Variants in RFC1 observed in about 807,000 individuals in gnomAD.
RFC1 encodes replication factor C subunit 1.
A neutral mutation model predicts 137.4 loss-of-function variants in RFC1; 37 were observed. That is an observed-to-expected ratio of 0.27 (90% CI 0.21 to 0.35). RFC1 has a LOEUF of 0.35. RFC1 is among the 10% of genes least tolerant of loss of function. The pLI is 1.00. For missense variants in RFC1, 1,205 were observed against 1,358.5 expected, an observed-to-expected ratio of 0.89 and a Z score of 1.78; for synonymous variants, 429 against 455.7, an observed-to-expected ratio of 0.94 and a Z score of 0.75.
At chr4:39,298,307 C>CAAAAAA (rs55727769) in intron 21 of RFC1, among the ~76,000 whole-genome samples, 26 of 111,212 alleles carry the variant, frequency 2.3e-4, no homozygotes, top group African/African-American at 6.6e-4. Flanking sequence ...GACCTTGTCT[C>CAAAAAA]AAAAAAAAAA....
At chr4:39,296,671 G>C (rs1738029242) in intron 21 of RFC1, among the ~76,000 whole-genome samples, 2 of 151,164 alleles carry the variant, frequency 1.3e-5, no homozygotes, top group Non-Finnish European at 3.0e-5. Context: ...ATTTGGGTTG[G>C]TTCCAAGTCT....
chr4:39,366,246 G>C lies in RFC1; in HGVS notation c.-5C>G, dbSNP rs1742022543. ...CCTCCCCCAGCGGCTCACCATCGCA[G>C]CCCCAGGATGAAGGCGCTGGCTGGC... On this transcript the variant is annotated 5_prime_UTR_variant, in exon 1 of 25. Coordinates refer to ENST00000349703, the MANE Select transcript of RFC1 (RefSeq NM_002913.5). 1.3e-6 allele frequency: 2 copies of C among 1,547,024 alleles called. No homozygotes were observed. The highest frequency in any genetic ancestry group is 1.7e-6 in the Non-Finnish European group (2 of 1,145,910).
rs1011442533 is a variant in RFC1 at position 39,288,416 on chromosome 4, G to A, written c.*345C>T. ...ATAAATTCTTAAGCCTACAAAAGACGCCTTAGTACTACTGCTCCCAGGCTC... is the reference window on the plus strand; with the variant it reads ...ATAAATTCTTAAGCCTACAAAAGACACCTTAGTACTACTGCTCCCAGGCTC... On this transcript the variant is annotated 3_prime_UTR_variant, in exon 25 of 25. Coordinates refer to ENST00000349703, the MANE Select transcript of RFC1 (RefSeq NM_002913.5). 2 of 175,010 alleles carry A rather than the reference G, an allele frequency of 1.1e-5. No individual in the cohort carries two copies. The highest frequency in any genetic ancestry group is 2.4e-5 in the Non-Finnish European group (2 of 83,940). 10.8% of individuals were successfully genotyped at this position (175,010 alleles called of 1,614,324 possible).
At chr4:39,326,525 T>C (rs531789927) in intron 6 of RFC1, 38 bp downstream of exon 6, 2 of 1,561,714 alleles carry the variant, frequency 1.3e-6, no homozygotes, top group South Asian at 1.1e-5. Context: ...CTAGTCAGAA[T>C]ATCAAGTTAC....
At chr4:39,298,983 G>A (rs2109598329) in intron 21 of RFC1, among the ~76,000 whole-genome samples, 1 of 152,314 alleles carries the variant, frequency 6.6e-6, no homozygotes, top group Non-Finnish European at 1.5e-5. Context: ...AATCTCTGCA[G>A]CACTGTGACA....
At chr4:39,291,957 A>G (rs1737704671) in intron 22 of RFC1, 105 bp from the exon 23 acceptor site, 3 of 794,726 alleles carry the variant, frequency 3.8e-6, no homozygotes, top group East Asian at 2.5e-5. Context: ...TCCAATTTCA[A>G]TAATGCTGAA....
chr4:39,327,051 G>A (rs186999118), intron 5 of RFC1, among the ~76,000 whole-genome samples: 1 of 152,284 alleles, frequency 6.6e-6, no homozygotes, highest in Non-Finnish European at 1.5e-5. Context: ...TAACTCAGGG[G>A]ACTACTTTCA....
intron 19 of RFC1, among the ~76,000 whole-genome samples, chr4:39,301,763 T>C (rs1367830120): frequency 6.6e-6 from 1 of 152,180 alleles, no homozygotes; most frequent in South Asian, 2.1e-4. Flanking sequence ...CGGGGAAACA[T>C]AGCGAGACCC....
rs1218058798 is a variant in RFC1, at chr4:39,320,687, A to T, written c.809-18T>A. 6.4e-7 allele frequency: 1 copy of T among 1,550,890 alleles called. No individual in the cohort carries two copies. The highest frequency in any genetic ancestry group is 1.4e-5 in the African/African-American group (1 of 71,510). ...TGTTTTTACTAGGAAGAAAGAAAAG[A>T]TTATGGTTGTTGTTTTTGGAAAATG... On this transcript the variant is annotated intron_variant, in intron 8 of 24. Coordinates refer to ENST00000349703, the MANE Select transcript of RFC1 (RefSeq NM_002913.5).
At chr4:39,346,583 CAAG>C (rs1401052514) in intron 2 of RFC1, among the ~76,000 whole-genome samples, 3 of 151,702 alleles carry the variant, frequency 2.0e-5, no homozygotes, top group African/African-American at 4.8e-5. Context: ...CAGAAAGCAT[CAAG>C]AAGGCAGTGA....
At position 39,289,839 on chromosome 4, in the gene RFC1, A is replaced by G. The variant is rs1159191646; in HGVS notation, c.3360+9T>C. ...TTGAGGTTCTCCTGTCTGTGGCTTA[A>G]AATACTACCTTGATCATGGCATCAG... On this transcript the variant is annotated intron_variant, in intron 24 of 24. Coordinates refer to ENST00000349703, the MANE Select transcript of RFC1 (RefSeq NM_002913.5). The G allele has an allele frequency of 1.3e-6, 2 of 1,599,842 alleles. No individual in the cohort carries two copies. The highest frequency in any genetic ancestry group is 1.7e-6 in the Non-Finnish European group (2 of 1,167,038).
Position 39,306,589 on chromosome 4 carries a change from C to T in RFC1, c.1995+3G>A, listed in dbSNP as rs758471634. ...TCCGACCACACTGTGACAACGCACC[C>T]ACCTGACACACCAGGGAAGCTGTGG... On this transcript the variant is annotated splice_donor_region_variant and intron_variant, in intron 14 of 24. Transcript: ENST00000349703. 1.8e-5 allele frequency: 28 copies of T among 1,547,068 alleles called. No individual in the cohort carries two copies. The highest frequency in any genetic ancestry group is 2.7e-5 in the African/African-American group (2 of 73,664).
At chr4:39,354,702 G>A (rs1741371004) in intron 1 of RFC1, among the ~76,000 whole-genome samples, 1 of 123,154 alleles carries the variant, frequency 8.1e-6, no homozygotes. Flanking sequence ...AGGATTGCTT[G>A]AACCCAGGAG....
At chr4:39,299,071 C>T (rs1005012428) in intron 21 of RFC1, among the ~76,000 whole-genome samples, 9 of 152,204 alleles carry the variant, frequency 5.9e-5, no homozygotes, top group African/African-American at 2.2e-4. Context: ...CTGGCCCGCC[C>T]AGGGCAGAAA....
intron 4 of RFC1, among the ~76,000 whole-genome samples, chr4:39,336,145 G>A (rs1314289543): frequency 6.6e-6 from 1 of 152,070 alleles, no homozygotes; most frequent in Non-Finnish European, 1.5e-5. Flanking sequence ...TAATAAAAGA[G>A]AATTGAAGAA....
intron 2 of RFC1, among the ~76,000 whole-genome samples, chr4:39,348,976 C>G (rs144638968): frequency 5.9e-5 from 9 of 152,340 alleles, no homozygotes; most frequent in African/African-American, 2.2e-4. Context: ...CTGATTTCTC[C>G]TCTTTGGAAT....
intron 2 of RFC1, among the ~76,000 whole-genome samples, chr4:39,350,248 C>T (rs13115589): frequency 0.42 from 62,983 of 151,746 alleles, 16,094 homozygotes; most frequent in East Asian, 0.63. Flanking sequence ...CTCAATGATC[C>T]GTGAGACAAT....
At chr4:39,342,645 A>G (rs564327487) in intron 3 of RFC1, among the ~76,000 whole-genome samples, 178 bp from the exon 4 acceptor site, 2 of 152,286 alleles carry the variant, frequency 1.3e-5, no homozygotes, top group African/African-American at 4.8e-5. Context: ...TTCCTATTCC[A>G]GCTATAATAA....
At chr4:39,366,111 C>T in intron 1 of RFC1, 128 bp downstream of exon 1, 1 of 1,040,868 alleles carries the variant, frequency 9.6e-7, no homozygotes, top group Non-Finnish European at 1.3e-6. Flanking sequence ...CCCTTCTCTG[C>T]CTTTGCTAGC....
Sources: allele counts gnomAD v4.1 joint callset (sites outside exome capture counted in the v4.1 genomes callset), GRCh38; gene constraint gnomAD v4.1.1; transcripts MANE v1.5; gene names NCBI Gene and HGNC (gene_info 2026-07-23, HGNC 2026-07-21).